The following PARD3B variants were observed in gnomAD, a reference collection of about 807,000 sequenced individuals.
PARD3B encodes the protein par-3 family cell polarity regulator beta.
In PARD3B, 103 loss-of-function variants were observed where a neutral mutation model predicts 130.2. The observed-to-expected ratio is 0.79, with a 90% CI of 0.67 to 0.93. The LOEUF (loss-of-function observed/expected upper bound fraction) is 0.93, where lower values mean the gene tolerates loss of function less well. Ranked by LOEUF, PARD3B falls within the 40% of genes least tolerant of loss-of-function variation. The pLI is 0.00. For synonymous variants in PARD3B, 583 were observed against 553.2 expected, an observed-to-expected ratio of 1.05 and a Z score of -0.76; for missense variants, 1,609 against 1,499.2, an observed-to-expected ratio of 1.07 and a Z score of -1.21.
intron 2 of PARD3B, among the ~76,000 whole-genome samples, chr2:204,776,322 A>G (rs2125442706): frequency 6.6e-6 from 1 of 152,258 alleles, no homozygotes; most frequent in Middle Eastern, 3.4e-3. Flanking sequence ...GATGACAAGC[A>G]TTAATTAAGA....
At chr2:204,650,805 G>A (rs1017365083) in intron 1 of PARD3B, among the ~76,000 whole-genome samples, 1 of 152,098 alleles carries the variant, frequency 6.6e-6, no homozygotes, top group Non-Finnish European at 1.5e-5. Context: ...TTCTTAACAG[G>A]AAGCATGCCT....
intron 21 of PARD3B, among the ~76,000 whole-genome samples, chr2:205,544,945 T>C (rs138594267): frequency 1.3e-5 from 2 of 152,358 alleles, no homozygotes; most frequent in African/African-American, 4.8e-5. Flanking sequence ...GTTAAAAGAC[T>C]TATCCAAGAG....
At position 205,564,648 on chromosome 2, in the gene PARD3B, C is replaced by CA. The variant is rs1224726413; in HGVS notation, c.3260+11247dup. On this transcript the variant is annotated intron_variant, in intron 22 of 22. Coordinates refer to ENST00000406610, the MANE Select transcript of PARD3B (RefSeq NM_001302769.2). The surrounding 1 kb of genome is among the most constrained non-coding windows in gnomAD (Gnocchi z 4.6). Reference sequence around the variant, plus strand: ...ATCGCTTCTACTGACTCTGCTGCTTCAAGTCCAGAGAAGAGAGCTTTGGCA... The same window carrying CA: ...ATCGCTTCTACTGACTCTGCTGCTTCAAAGTCCAGAGAAGAGAGCTTTGGCA... 1.3e-5 allele frequency among the ~76,000 whole-genome samples: 2 copies of CA among 152,202 alleles called. No homozygotes were observed. The highest frequency in any genetic ancestry group is 4.8e-5 in the African/African-American group (2 of 41,462).
chr2:205,581,466 ATTC>A (rs2053986792), intron 22 of PARD3B, among the ~76,000 whole-genome samples: 1 of 146,984 alleles, frequency 6.8e-6, no homozygotes, highest in Non-Finnish European at 1.5e-5. Context: ...ACAGGATCTT[ATTC>A]TTTTTATGGC....
chr2:204,828,058 C>T (rs549740242), intron 2 of PARD3B, among the ~76,000 whole-genome samples: 3 of 152,152 alleles, frequency 2.0e-5, no homozygotes, highest in Non-Finnish European at 2.9e-5. Flanking sequence ...CAGTGTAGAG[C>T]GTAAAATGTA....
intron 4 of PARD3B, among the ~76,000 whole-genome samples, chr2:205,095,905 A>G (rs921887233): frequency 6.6e-6 from 1 of 152,150 alleles, no homozygotes; most frequent in Non-Finnish European, 1.5e-5. Flanking sequence ...ATTATTAGCA[A>G]TGAGAAGAAA....
chr2:205,224,370 C>CAAAAAA (rs1231030778), intron 15 of PARD3B, among the ~76,000 whole-genome samples: 31,117 of 55,880 alleles, frequency 0.56, 10,633 homozygotes, highest in Admixed American at 0.62. Context: ...GACTCCGTCT[C>CAAAAAA]AAAAAAAAAA....
chr2:204,786,482 C>T (rs1183558844), intron 2 of PARD3B, among the ~76,000 whole-genome samples: 1 of 151,970 alleles, frequency 6.6e-6, no homozygotes, highest in African/African-American at 2.4e-5. Context: ...GACTTGCATA[C>T]ACTTCAGAGT....
chr2:205,270,829 T>C (rs567702172), intron 16 of PARD3B, among the ~76,000 whole-genome samples: 1 of 152,168 alleles, frequency 6.6e-6, no homozygotes, highest in African/African-American at 2.4e-5. Flanking sequence ...TTATTTATCT[T>C]ACCAGTAAAA....
intron 22 of PARD3B, among the ~76,000 whole-genome samples, chr2:205,566,764 C>T (rs2053352355): frequency 6.6e-6 from 1 of 152,306 alleles, no homozygotes; most frequent in Non-Finnish European, 1.5e-5. Context: ...ATGTAATAAA[C>T]CACAGAGTCG....
chr2:205,051,901 T>C (rs1253179726), intron 4 of PARD3B, among the ~76,000 whole-genome samples: 1 of 152,184 alleles, frequency 6.6e-6, no homozygotes, highest in Non-Finnish European at 1.5e-5. Context: ...ATTATCAGAA[T>C]AGTACAATCA....
intron 10 of PARD3B, among the ~76,000 whole-genome samples, chr2:205,156,543 T>TAAA (rs10694645): frequency 6.8e-6 from 1 of 147,648 alleles, no homozygotes; most frequent in African/African-American, 2.5e-5. Context: ...GAGGAAAAGA[T>TAAA]AAAAAAAAAA....
At chr2:205,384,465 C>A (rs2105957348) in intron 18 of PARD3B, among the ~76,000 whole-genome samples, 1 of 152,170 alleles carries the variant, frequency 6.6e-6, no homozygotes, top group Admixed American at 6.6e-5. Flanking sequence ...GTGTCTTTGA[C>A]TATTTTTGAT....
intron 2 of PARD3B, among the ~76,000 whole-genome samples, chr2:204,935,423 C>G (rs947497677): frequency 6.6e-6 from 1 of 151,000 alleles, no homozygotes; most frequent in South Asian, 2.1e-4. Flanking sequence ...CCTGTAGTCC[C>G]AGCTACTCGG....
rs1014271717 is a variant in PARD3B, at chr2:205,328,504, ACTT to A, written c.2630+26807_2630+26809del. ...AGAGCAAGAAAATCAATATTAGAAA[ACTT>A]CTTATATTAAAAATAACAGAAATAG... On this transcript the variant is annotated intron_variant, in intron 18 of 22. Transcript: ENST00000406610. 7.7e-4 allele frequency among the ~76,000 whole-genome samples: 117 copies of A among 152,248 alleles called. 1 individual carries two copies. The highest frequency in any genetic ancestry group is 2.7e-3 in the African/African-American group (111 of 41,556).
At chr2:204,792,888 TA>T (rs1345872062) in intron 2 of PARD3B, among the ~76,000 whole-genome samples, 2 of 151,726 alleles carry the variant, frequency 1.3e-5, no homozygotes, top group Non-Finnish European at 2.9e-5. Context: ...AACATAATAA[TA>T]AGGCTTTACC....
intron 2 of PARD3B, among the ~76,000 whole-genome samples, chr2:204,884,765 G>C (rs1162857615): frequency 6.6e-6 from 1 of 152,130 alleles, no homozygotes; most frequent in East Asian, 1.9e-4. Flanking sequence ...AGTTTGCTGA[G>C]GATAACGGCT....
At chr2:205,371,920 G>A (rs972649729) in intron 18 of PARD3B, among the ~76,000 whole-genome samples, 25 of 152,062 alleles carry the variant, frequency 1.6e-4, no homozygotes, top group African/African-American at 5.6e-4. Flanking sequence ...TGGGGTCTTT[G>A]CGACTGGCTT....
In PARD3B at chr2:204,648,613, T is replaced by C. The variant is rs1435056541; in HGVS notation, c.121-37568T>C. The stretch of plus-strand genomic sequence containing the variant: ...ATTATATATAATATATTTATATTTA[T>C]ATATACTATAATTTATATATAATAT... On this transcript the variant is annotated intron_variant, in intron 1 of 22. Coordinates refer to ENST00000406610, the MANE Select transcript of PARD3B (RefSeq NM_001302769.2). Among the ~76,000 whole-genome samples the C allele has an allele frequency of 7.9e-5, 10 of 126,102 alleles. No homozygotes were observed. In the East Asian group the frequency reaches 2.1e-3, roughly 26 times the overall value. 82.7% of individuals were successfully genotyped at this position (126,102 alleles called of 152,430 possible).
Sources: gnomAD v4.1 joint callset for allele counts (sites outside exome capture counted in the v4.1 genomes callset) on GRCh38, gnomAD v4.1.1 for gene constraint, Gnocchi (gnomAD v3.1) non-coding constraint, MANE v1.5 for transcripts, NCBI Gene and HGNC (gene_info 2026-07-23, HGNC 2026-07-21) for gene names.